The following ARID4B variants were observed in gnomAD, a reference collection of about 807,000 sequenced individuals.
ARID4B encodes AT-rich interaction domain 4B, also known as AT-rich interactive domain-containing protein 4B.
ARID4B carries 26 observed loss-of-function variants against 147.5 expected under a neutral mutation model. The observed-to-expected ratio is 0.18, with a 90% CI of 0.13 to 0.24. ARID4B has a LOEUF of 0.24. ARID4B is among the 10% of genes least tolerant of loss of function. The probability of loss-of-function intolerance (pLI) is 1.00; values close to 1 mark genes in which losing one functional copy is unlikely to be tolerated. For synonymous variants in ARID4B, 512 were observed against 507.9 expected, an observed-to-expected ratio of 1.01 and a Z score of -0.11; for missense variants, 1,179 against 1,511.5, an observed-to-expected ratio of 0.78 and a Z score of 3.65.
intron 16 of ARID4B, among the ~76,000 whole-genome samples, chr1:235,218,818 T>C (rs1260835416): frequency 6.6e-6 from 1 of 151,720 alleles, no homozygotes; most frequent in Non-Finnish European, 1.5e-5. Flanking sequence ...ATTTTCCCCT[T>C]CCCTGTTCGT....
chr1:235,200,056 C>T (rs1245135055), intron 17 of ARID4B, among the ~76,000 whole-genome samples: 5 of 150,632 alleles, frequency 3.3e-5, no homozygotes, highest in Non-Finnish European at 7.4e-5. Context: ...CGGTGGCTCA[C>T]ACCTGTAATC....
chr1:235,220,314 A>C lies in ARID4B; in HGVS notation c.1395T>G (p.Ile465Met). The change falls in exon 15 of 24, where the codon ATT (isoleucine) becomes ATG (methionine). Residue 465 changes from isoleucine to methionine, a missense_variant. By Grantham distance (10) the Ile-to-Met change is conservative. Transcript: ENST00000264183. Reference protein sequence around the residue: ...IEDEIERKENIKPSLGSKKNL... With the variant: ...IEDEIERKENMKPSLGSKKNL... ...ATATCTGATTTACCAGAGAGGGCTT[A>C]ATATTTTCTTTTCTTTCAATTTCAT... The C allele has an allele frequency of 1.2e-6, 2 of 1,600,718 alleles. No individual in the cohort carries two copies. The highest frequency in any genetic ancestry group is 1.7e-6 in the Non-Finnish European group (2 of 1,175,164).
intron 9 of ARID4B, among the ~76,000 whole-genome samples, chr1:235,232,039 G>GA (rs1477167816): frequency 6.6e-6 from 1 of 152,050 alleles, no homozygotes; most frequent in African/African-American, 2.4e-5. Context: ...GAGCTGACTG[G>GA]AAAAAACCCA....
At chr1:235,208,150 T>C (rs185043873) in intron 17 of ARID4B, among the ~76,000 whole-genome samples, 13 of 152,328 alleles carry the variant, frequency 8.5e-5, no homozygotes, top group East Asian at 7.7e-4. Flanking sequence ...TTACAAAATA[T>C]TGATGTATTT....
intron 23 of ARID4B, among the ~76,000 whole-genome samples, chr1:235,170,930 A>AG (rs1350244449): frequency 2.9e-4 from 43 of 150,234 alleles, no homozygotes; most frequent in Non-Finnish European, 4.9e-4. Context: ...AAAAAAAAAA[A>AG]AAAACCACAC....
intron 17 of ARID4B, among the ~76,000 whole-genome samples, chr1:235,197,241 T>C (rs1356731145): frequency 6.6e-6 from 1 of 152,148 alleles, no homozygotes; most frequent in Non-Finnish European, 1.5e-5. Context: ...GTTATATACA[T>C]TACTCATAGA....
intron 6 of ARID4B, among the ~76,000 whole-genome samples, chr1:235,251,805 GAACGT>G (rs1278943986): frequency 6.6e-6 from 1 of 152,110 alleles, no homozygotes; most frequent in Non-Finnish European, 1.5e-5. Flanking sequence ...CTGGATTAGA[GAACGT>G]AACACCATTT....
At chr1:235,316,545 G>C (rs533366219) in intron 2 of ARID4B, among the ~76,000 whole-genome samples, 1 of 148,682 alleles carries the variant, frequency 6.7e-6, no homozygotes, top group Non-Finnish European at 1.5e-5. Context: ...GGCTGGGCAC[G>C]GTGGCTGATG....
intron 2 of ARID4B, among the ~76,000 whole-genome samples, chr1:235,296,868 A>AAAGAGGGAGG (rs1553314013): frequency 2.8e-5 from 4 of 144,618 alleles, no homozygotes; most frequent in South Asian, 2.2e-4. Context: ...GAAGGGAGAG[A>AAAGAGGGAGG]GTACTTCCTG....
At chr1:235,293,997 G>A (rs1672508842) in intron 2 of ARID4B, among the ~76,000 whole-genome samples, 1 of 152,114 alleles carries the variant, frequency 6.6e-6, no homozygotes, top group South Asian at 2.1e-4. Flanking sequence ...ACTACAAGGA[G>A]TAAAACTGAT....
intron 17 of ARID4B, among the ~76,000 whole-genome samples, chr1:235,209,556 G>GTT (rs547505296): frequency 9.5e-5 from 14 of 147,128 alleles, no homozygotes; most frequent in South Asian, 2.2e-4. Flanking sequence ...TGATTTTTTT[G>GTT]TTTTTTGTTT....
At chr1:235,227,406 T>G (rs1667898440) in intron 11 of ARID4B, among the ~76,000 whole-genome samples, 1 of 152,162 alleles carries the variant, frequency 6.6e-6, no homozygotes, top group African/African-American at 2.4e-5. Context: ...GCAGGGAAAT[T>G]TCTACATTAT....
intron 8 of ARID4B, among the ~76,000 whole-genome samples, chr1:235,236,576 C>T (rs1210490656): frequency 3.3e-5 from 5 of 150,192 alleles, no homozygotes; most frequent in East Asian, 2.0e-4. Flanking sequence ...TGCTGTGGCA[C>T]GGTCTCAGCT....
chr1:235,263,282 T>C (rs6672996), intron 2 of ARID4B, among the ~76,000 whole-genome samples: 19,997 of 152,210 alleles, frequency 0.13, 1,525 homozygotes, highest in African/African-American at 0.2. Context: ...GAGGAACATA[T>C]AAAAATTTAG....
At chr1:235,203,526 T>G (rs952205254) in intron 17 of ARID4B, among the ~76,000 whole-genome samples, 1 of 152,188 alleles carries the variant, frequency 6.6e-6, no homozygotes. Flanking sequence ...GAAATATGTA[T>G]AGATAAGATA....
At position 235,296,677 on chromosome 1, in the gene ARID4B, C is replaced by G. The variant is rs943047924; in HGVS notation, c.6+30237G>C. 1.2e-3 allele frequency among the ~76,000 whole-genome samples: 188 copies of G among 150,402 alleles called. 1 individual carries two copies. The highest frequency in any genetic ancestry group is 4.5e-3 in the African/African-American group (184 of 40,708). On this transcript the variant is annotated intron_variant, in intron 2 of 23. Coordinates refer to ENST00000264183, the MANE Select transcript of ARID4B (RefSeq NM_016374.6). ...GTTTTGCCATGTTGCCCAGGCTAGT[C>G]TCGAACTCCTGGGCTCAAGTGATCC...
intron 8 of ARID4B, among the ~76,000 whole-genome samples, 160 bp downstream of exon 8, chr1:235,240,153 T>C (rs1452700452): frequency 6.6e-6 from 1 of 152,162 alleles, no homozygotes. Context: ...CAAGAGTTCT[T>C]TGTATTCAAA....
intron 17 of ARID4B, among the ~76,000 whole-genome samples, chr1:235,198,054 A>G (rs988402274): frequency 6.6e-6 from 1 of 152,232 alleles, no homozygotes; most frequent in Non-Finnish European, 1.5e-5. Context: ...TATGGAAAGA[A>G]GAAGTCAAGA....
At chr1:235,254,031 C>T (rs1477011063) in intron 5 of ARID4B, among the ~76,000 whole-genome samples, 2 of 152,106 alleles carry the variant, frequency 1.3e-5, no homozygotes, top group African/African-American at 4.8e-5. Flanking sequence ...ATTTTCAGTA[C>T]ATCTTTAAAT....
Sources: allele counts gnomAD v4.1 joint callset (sites outside exome capture counted in the v4.1 genomes callset), GRCh38; gene constraint gnomAD v4.1.1; transcripts MANE v1.5; gene names NCBI Gene and HGNC (gene_info 2026-07-23, HGNC 2026-07-21).